FOXP1: variants seen among roughly 807,000 people sequenced by gnomAD.
FOXP1 encodes the protein forkhead box P1, also known as forkhead box protein P1.
A neutral mutation model predicts 98.2 loss-of-function variants in FOXP1; 15 were observed. That is an observed-to-expected ratio of 0.15 (90% confidence interval 0.10 to 0.24). FOXP1 has a LOEUF of 0.24. FOXP1 is among the 10% of genes least tolerant of loss of function. The probability of loss-of-function intolerance (pLI) is 1.00; values close to 1 mark genes in which losing one functional copy is unlikely to be tolerated. For synonymous variants in FOXP1, 371 were observed against 314.5 expected (o/e 1.18, Z -1.90); for missense variants, 633 against 848.5 (o/e 0.75, Z 3.15).
At chr3:71,339,177 TA>T (rs1364142198) in intron 4 of FOXP1, among the ~76,000 whole-genome samples, 1 of 152,218 alleles carries the variant, frequency 6.6e-6, no homozygotes, top group African/African-American at 2.4e-5. Context: ...GCTGACAACA[TA>T]AAATGTATCC....
chr3:70,957,487 A>G lies in FOXP1; in HGVS notation c.*1760T>C. 8.7e-6 allele frequency: 2 copies of G among 230,874 alleles called. No homozygotes were observed. Among genetic ancestry groups the G allele is most frequent in the African/African-American group, 2.2e-5 (1 of 45,308 alleles). The allele number at this position is 230,874 out of a possible 1,614,324, so 14.3% of individuals were successfully genotyped here. A position where few individuals can be genotyped will look rare whatever the true frequency, so the allele number is the denominator to read the frequency against. On this transcript the variant is annotated 3_prime_UTR_variant, in exon 21 of 21. Coordinates refer to ENST00000649528, the MANE Select transcript of FOXP1 (RefSeq NM_001349338.3). ...CATCAGATAAAGCATAAAACAGAGA[A>G]CATAATTTACCTTTGTGTAATATCT...
intron 6 of FOXP1, among the ~76,000 whole-genome samples, chr3:71,180,030 C>A (rs565568831): frequency 6.6e-6 from 1 of 152,298 alleles, no homozygotes; most frequent in African/African-American, 2.4e-5. Context: ...TGTCTCGCCA[C>A]CTCTTCCAGC....
At chr3:71,205,317 T>A (rs1269803952) in intron 5 of FOXP1, among the ~76,000 whole-genome samples, 1 of 152,214 alleles carries the variant, frequency 6.6e-6, no homozygotes, top group African/African-American at 2.4e-5. Context: ...TTATCCATCA[T>A]AAATATCAGA....
At chr3:71,350,971 T>C (rs1425891925) in intron 4 of FOXP1, among the ~76,000 whole-genome samples, 1 of 152,190 alleles carries the variant, frequency 6.6e-6, no homozygotes, top group African/African-American at 2.4e-5. Flanking sequence ...AACTCACTCC[T>C]GCTCCAGCTC....
intron 3 of FOXP1, among the ~76,000 whole-genome samples, chr3:71,418,795 A>G (rs1437506024): frequency 6.6e-6 from 1 of 152,196 alleles, no homozygotes; most frequent in Non-Finnish European, 1.5e-5. Flanking sequence ...GAATTAAGAA[A>G]TCACAATATC....
chr3:71,220,224 C>T (rs185004021), intron 5 of FOXP1, among the ~76,000 whole-genome samples: 11 of 152,166 alleles, frequency 7.2e-5, no homozygotes, highest in South Asian at 2.1e-4. Flanking sequence ...TAATGTCAGA[C>T]GAGTGAATGA....
chr3:71,166,667 C>T (rs1040469755), intron 6 of FOXP1, among the ~76,000 whole-genome samples: 1 of 152,106 alleles, frequency 6.6e-6, no homozygotes, highest in Admixed American at 6.5e-5. Context: ...TGAATAACAA[C>T]TTTTTATGAT....
intron 3 of FOXP1, among the ~76,000 whole-genome samples, chr3:71,383,844 T>C (rs1376215158): frequency 6.6e-6 from 1 of 151,992 alleles, no homozygotes; most frequent in Non-Finnish European, 1.5e-5. Flanking sequence ...GGTGAGAAGA[T>C]AGATAAAAGA....
intron 6 of FOXP1, among the ~76,000 whole-genome samples, chr3:71,135,825 G>C (rs145954620): frequency 0.01 from 1,565 of 152,222 alleles, 28 homozygotes; most frequent in African/African-American, 0.035. Flanking sequence ...GCTCCAAAAC[G>C]GCAGCGACCC....
chr3:71,222,449 C>T (rs776666799), intron 5 of FOXP1, among the ~76,000 whole-genome samples: 2 of 151,992 alleles, frequency 1.3e-5, no homozygotes, highest in Non-Finnish European at 2.9e-5. Context: ...GATGGAGTCT[C>T]GCTCTGTCGC....
chr3:71,335,820 C>T lies in FOXP1; in HGVS notation c.-73+23330G>A, dbSNP rs541816755. On this transcript the variant is annotated intron_variant, in intron 4 of 20. Transcript: ENST00000649528. ...AGGAGTTTGAGACCAGCTTGGCCAA[C>T]GTGGTGAAACCCCGTCTCTACAAAT... Among the ~76,000 whole-genome samples the T allele has an allele frequency of 1.7e-4, 26 of 151,936 alleles. No individual in the cohort carries two copies. In the South Asian group the frequency reaches 5.0e-3, roughly 29 times the overall value.
At chr3:71,331,926 T>G (rs561488155) in intron 4 of FOXP1, among the ~76,000 whole-genome samples, 1 of 152,090 alleles carries the variant, frequency 6.6e-6, no homozygotes, top group Non-Finnish European at 1.5e-5. Context: ...AGTTCAGGGA[T>G]TGTAAATGCA....
At chr3:71,273,715 C>CT (rs2070616849) in intron 5 of FOXP1, among the ~76,000 whole-genome samples, 1 of 151,968 alleles carries the variant, frequency 6.6e-6, no homozygotes, top group South Asian at 2.1e-4. Flanking sequence ...AAAAAAGAAA[C>CT]TGGGGGGAGG....
intron 5 of FOXP1, among the ~76,000 whole-genome samples, chr3:71,202,377 A>C (rs960243149): frequency 6.6e-6 from 1 of 152,250 alleles, no homozygotes; most frequent in African/African-American, 2.4e-5. Context: ...TGAAAAGCAC[A>C]TGTGAAAAAA....
chr3:71,041,126 A>C (rs192755415), intron 11 of FOXP1, among the ~76,000 whole-genome samples: 1 of 152,212 alleles, frequency 6.6e-6, no homozygotes, highest in Non-Finnish European at 1.5e-5. Context: ...GTAGATCTAC[A>C]TAAGTGCTAA....
chr3:71,254,091 A>T (rs1010970072), intron 5 of FOXP1, among the ~76,000 whole-genome samples: 1 of 152,218 alleles, frequency 6.6e-6, no homozygotes. Context: ...CAACCACATA[A>T]ATGGTAACAA....
chr3:71,140,461 C>T (rs1285505397), intron 6 of FOXP1, among the ~76,000 whole-genome samples: 1 of 152,222 alleles, frequency 6.6e-6, no homozygotes, highest in African/African-American at 2.4e-5. Context: ...TTTCAACCTG[C>T]AACTTCCAAA....
rs555663495 is a variant in FOXP1 at position 71,446,189 on chromosome 3, T to C, written c.-168+47237A>G. On this transcript the variant is annotated intron_variant, in intron 3 of 20. Transcript: ENST00000649528. ...TCATGGAGAAATGGGTGCTCTGCCA[T>C]CTTGCTAAGACTGGCTTCCATAAAA... Among the ~76,000 whole-genome samples the C allele has an allele frequency of 2.6e-3, 398 of 152,276 alleles. 2 individuals carry two copies. Among genetic ancestry groups the C allele is most frequent in the African/African-American group, 9.1e-3 (380 of 41,558 alleles).
intron 11 of FOXP1, among the ~76,000 whole-genome samples, chr3:71,025,306 A>C (rs2045963588): frequency 6.6e-6 from 1 of 152,102 alleles, no homozygotes; most frequent in African/African-American, 2.4e-5. Flanking sequence ...TTACAGATAT[A>C]AATCCGATTC....
Sources: gnomAD v4.1 joint callset for allele counts (sites outside exome capture counted in the v4.1 genomes callset) on GRCh38, gnomAD v4.1.1 for gene constraint, MANE v1.5 for transcripts, NCBI Gene and HGNC (gene_info 2026-07-23, HGNC 2026-07-21) for gene names.